SHANK2: variants seen among roughly 807,000 people sequenced by gnomAD.
The protein encoded by SHANK2 is SH3 and multiple ankyrin repeat domains 2, also known as SH3 and multiple ankyrin repeat domains protein 2.
A neutral mutation model predicts 133.7 loss-of-function variants in SHANK2; 43 were observed. That is an observed-to-expected ratio of 0.32 (90% CI 0.25 to 0.41). SHANK2 has a LOEUF of 0.41. Among genes scored for constraint, SHANK2 ranks in the 10% least tolerant of loss-of-function variants. SHANK2 has a pLI of 1.00. For missense variants in SHANK2, 1,994 were observed against 2,235.8 expected (o/e 0.89, Z 2.18); for synonymous variants, 1,017 against 952.8 (o/e 1.07, Z -1.24).
intron 10 of SHANK2, chr11:70,911,286 G>A: frequency 2.3e-6 from 1 of 433,508 alleles, no homozygotes; most frequent in South Asian, 1.7e-5. Context: ...AACCCAGAAG[G>A]TGGAGGTTGC....
intron 10 of SHANK2, among the ~76,000 whole-genome samples, chr11:70,916,363 C>A (rs1950269082): frequency 6.6e-6 from 1 of 152,108 alleles, no homozygotes; most frequent in Non-Finnish European, 1.5e-5. Context: ...AGAACAGTAC[C>A]CCTCGCCAAC....
At chr11:70,904,931 T>A (rs781878494) in intron 10 of SHANK2, among the ~76,000 whole-genome samples, 22 of 152,188 alleles carry the variant, frequency 1.4e-4, no homozygotes, top group Non-Finnish European at 2.9e-4. Flanking sequence ...CCCAGCCATG[T>A]AGAACTGTAA....
intron 13 of SHANK2, among the ~76,000 whole-genome samples, chr11:70,806,415 C>T (rs1352211458): frequency 6.6e-6 from 1 of 152,258 alleles, no homozygotes; most frequent in African/African-American, 2.4e-5. Context: ...CAGTGCTTCA[C>T]ACACCTGACT....
At chr11:71,117,829 A>G (rs1952007102) in intron 4 of SHANK2, among the ~76,000 whole-genome samples, 1 of 152,176 alleles carries the variant, frequency 6.6e-6, no homozygotes. Flanking sequence ...GTAGCAGTTA[A>G]AATGCCTTCT....
At chr11:70,780,535 T>A (rs1380008651) in intron 14 of SHANK2, among the ~76,000 whole-genome samples, 2 of 151,734 alleles carry the variant, frequency 1.3e-5, no homozygotes, top group Non-Finnish European at 2.9e-5. Flanking sequence ...CATGACCCTA[T>A]ACTTATCTTT....
At chr11:70,740,480 C>T (rs1327540149) in intron 14 of SHANK2, among the ~76,000 whole-genome samples, 2 of 152,116 alleles carry the variant, frequency 1.3e-5, no homozygotes, top group African/African-American at 4.8e-5. Flanking sequence ...CTTCCCCGGT[C>T]TTTTCTGGGT....
chr11:71,229,002 C>T (rs1389880698), intron 1 of SHANK2, among the ~76,000 whole-genome samples: 1 of 152,050 alleles, frequency 6.6e-6, no homozygotes, highest in East Asian at 1.9e-4. Context: ...AAGATCATAT[C>T]AATCAATGCA....
At chr11:70,916,401 T>C (rs1337709654) in intron 10 of SHANK2, among the ~76,000 whole-genome samples, 2 of 151,998 alleles carry the variant, frequency 1.3e-5, no homozygotes, top group East Asian at 3.9e-4. Flanking sequence ...GGCCACACAG[T>C]GGACAGAGGT....
chr11:70,801,470 G>A (rs186107753), intron 13 of SHANK2, among the ~76,000 whole-genome samples: 4 of 152,316 alleles, frequency 2.6e-5, no homozygotes, highest in African/African-American at 9.6e-5. Context: ...GCAAGAGAGG[G>A]GTTTGTGCCT....
At chr11:70,797,676 G>A (rs1300680135) in intron 14 of SHANK2, among the ~76,000 whole-genome samples, 3 of 152,200 alleles carry the variant, frequency 2.0e-5, no homozygotes, top group Non-Finnish European at 4.4e-5. Context: ...GGCAGGCTCC[G>A]CACAAGAAGG....
chr11:71,123,714 A>C (rs1223020371), intron 3 of SHANK2, among the ~76,000 whole-genome samples: 1 of 152,164 alleles, frequency 6.6e-6, no homozygotes, highest in Non-Finnish European at 1.5e-5. Context: ...TTTGTTAGAG[A>C]TGTTCTGAGT....
intron 10 of SHANK2, among the ~76,000 whole-genome samples, chr11:70,915,770 C>T (rs1300357414): frequency 6.6e-6 from 1 of 152,218 alleles, no homozygotes; most frequent in Non-Finnish European, 1.5e-5. Context: ...TCCCTTGAGG[C>T]TTGCTTAAGC....
At chr11:70,501,774 C>T (rs2059057076) in intron 20 of SHANK2, 149 bp downstream of exon 20, 1 of 793,166 alleles carries the variant, frequency 1.3e-6, no homozygotes, top group Admixed American at 2.4e-5. Context: ...GCTATCTACA[C>T]ACAGATCCCC....
At chr11:70,837,357 C>A (rs1948835496) in intron 11 of SHANK2, among the ~76,000 whole-genome samples, 1 of 152,164 alleles carries the variant, frequency 6.6e-6, no homozygotes, top group Non-Finnish European at 1.5e-5. Context: ...TCTGCCCCTG[C>A]TGTGCCTACC....
chr11:71,108,260 G>A (rs1565455457), intron 6 of SHANK2, among the ~76,000 whole-genome samples: 1 of 152,198 alleles, frequency 6.6e-6, no homozygotes, highest in African/African-American at 2.4e-5. Flanking sequence ...AGCGCAGCAC[G>A]AGACGCATCC....
chr11:71,218,727 C>G (rs1954470732), intron 2 of SHANK2, among the ~76,000 whole-genome samples: 2 of 152,198 alleles, frequency 1.3e-5, no homozygotes, highest in South Asian at 4.1e-4. Context: ...GGGAAAGACT[C>G]ACGTGAAAAT....
At chr11:70,787,316 A>G (rs1423828648) in intron 14 of SHANK2, among the ~76,000 whole-genome samples, 26 of 151,106 alleles carry the variant, frequency 1.7e-4, no homozygotes, top group African/African-American at 6.1e-4. Flanking sequence ...CACCACCATC[A>G]TCACCATGAC....
chr11:70,484,865 G>A (rs1555152529), intron 25 of SHANK2, among the ~76,000 whole-genome samples: 1 of 152,112 alleles, frequency 6.6e-6, no homozygotes, highest in Non-Finnish European at 1.5e-5. Flanking sequence ...ACCCACACGT[G>A]TATTCAGACA....
At chr11:70,672,489 C>T (rs1163111717) in intron 15 of SHANK2, among the ~76,000 whole-genome samples, 4 of 152,358 alleles carry the variant, frequency 2.6e-5, no homozygotes, top group East Asian at 1.9e-4. Flanking sequence ...TCTCTTCCTC[C>T]AGCAGGTCAC....
Sources: gnomAD v4.1 joint callset for allele counts (sites outside exome capture counted in the v4.1 genomes callset) on GRCh38, gnomAD v4.1.1 for gene constraint, MANE v1.5 for transcripts, NCBI Gene and HGNC (gene_info 2026-07-23, HGNC 2026-07-21) for gene names.